Variants in MCUB observed in about 807,000 individuals in gnomAD.
The protein encoded by MCUB is mitochondrial calcium uniporter dominant negative subunit beta.
Under a neutral mutation model 41.4 loss-of-function variants are expected in MCUB, and 46 were observed. That is an observed-to-expected ratio of 1.11 (90% confidence interval 0.88 to 1.42). The LOEUF is 1.42. MCUB is among the 40% of genes most tolerant of loss of function. The probability of loss-of-function intolerance (pLI) is 0.00; values close to 1 mark genes in which losing one functional copy is unlikely to be tolerated. For synonymous variants in MCUB, 148 were observed against 148.2 expected (o/e 1.00, Z 0.01); for missense variants, 403 against 404.9 (o/e 1.00, Z 0.04).
At chr4:109,573,060 C>T (rs1214685760) in intron 1 of MCUB, among the ~76,000 whole-genome samples, 1 of 152,124 alleles carries the variant, frequency 6.6e-6, no homozygotes, top group African/African-American at 2.4e-5. Flanking sequence ...CATTGTAGGT[C>T]CTGTGGAATT....
chr4:109,672,744 A>T (rs1477965783), intron 4 of MCUB, among the ~76,000 whole-genome samples: 1 of 152,222 alleles, frequency 6.6e-6, no homozygotes, highest in Non-Finnish European at 1.5e-5. Context: ...TGTTAAAAAA[A>T]GTCCTCCAGC....
At chr4:109,608,473 G>A (rs575930425) in intron 1 of MCUB, among the ~76,000 whole-genome samples, 151 of 148,690 alleles carry the variant, frequency 1.0e-3, no homozygotes, top group Middle Eastern at 3.4e-3. Flanking sequence ...ATGTCTGGGC[G>A]TTGAAAAGTT....
intron 1 of MCUB, among the ~76,000 whole-genome samples, chr4:109,634,895 C>T (rs1728555050): frequency 6.6e-6 from 1 of 152,130 alleles, no homozygotes; most frequent in Non-Finnish European, 1.5e-5. Flanking sequence ...TGGTGGTTTG[C>T]TGCACCCATC....
At chr4:109,615,943 G>A (rs371826321) in intron 1 of MCUB, among the ~76,000 whole-genome samples, 2 of 152,166 alleles carry the variant, frequency 1.3e-5, no homozygotes. Flanking sequence ...TGAGTGACAG[G>A]TGTCATCACC....
At chr4:109,642,890 T>G (rs1487945797) in intron 1 of MCUB, among the ~76,000 whole-genome samples, 1 of 116,308 alleles carries the variant, frequency 8.6e-6, no homozygotes, top group Non-Finnish European at 1.7e-5. Context: ...TACTCTCAGC[T>G]AGATTTTTTT....
At chr4:109,573,238 G>C (rs1236741819) in intron 1 of MCUB, among the ~76,000 whole-genome samples, 1 of 152,092 alleles carries the variant, frequency 6.6e-6, no homozygotes, top group African/African-American at 2.4e-5. Context: ...AGATCATGTG[G>C]TCAGGAGATA....
chr4:109,612,286 A>G (rs1210913477), intron 1 of MCUB, among the ~76,000 whole-genome samples: 10 of 97,852 alleles, frequency 1.0e-4, no homozygotes, highest in African/African-American at 3.6e-4. Context: ...TTTTTTTGAG[A>G]GCGTCTCACT....
intron 1 of MCUB, among the ~76,000 whole-genome samples, chr4:109,564,566 G>C (rs4698837): frequency 0.63 from 96,347 of 152,062 alleles, 31,736 homozygotes; most frequent in African/African-American, 0.83. Context: ...TTTCATAGAT[G>C]ATTTCTCATC....
chr4:109,604,143 G>A (rs1447759729), intron 1 of MCUB, among the ~76,000 whole-genome samples: 1 of 151,812 alleles, frequency 6.6e-6, no homozygotes, highest in South Asian at 2.1e-4. Flanking sequence ...AATGGATTAA[G>A]GGCGGTGCAA....
At chr4:109,686,302 T>C (rs28380238) in intron 7 of MCUB, among the ~76,000 whole-genome samples, 106,905 of 151,922 alleles carry the variant, frequency 0.7, 38,238 homozygotes, top group African/African-American at 0.83. Flanking sequence ...CCACACCTGG[T>C]TACTTTTTGT....
At chr4:109,681,605 C>T (rs572711152) in intron 4 of MCUB, 8 of 298,380 alleles carry the variant, frequency 2.7e-5, no homozygotes, top group African/African-American at 8.9e-5. Flanking sequence ...TCGTGGGTCA[C>T]GGAAGACAAC....
At chr4:109,638,033 T>C in intron 1 of MCUB, among the ~76,000 whole-genome samples, 1 of 150,976 alleles carries the variant, frequency 6.6e-6, no homozygotes, top group East Asian at 1.9e-4. Flanking sequence ...TTTTGTTTGT[T>C]TTGTTTTGTT....
At chr4:109,615,483 G>A (rs1473359536) in intron 1 of MCUB, among the ~76,000 whole-genome samples, 1 of 149,692 alleles carries the variant, frequency 6.7e-6, no homozygotes, top group Non-Finnish European at 1.5e-5. Context: ...TCGGCTCACT[G>A]CAACCTCCGT....
Position 109,560,305 on chromosome 4 carries a change from C to A in MCUB, c.-33C>A. The A allele has an allele frequency of 1.8e-6, 2 of 1,120,424 alleles. No homozygotes were observed. The highest frequency in any genetic ancestry group is 3.3e-5 in the East Asian group (1 of 30,482). The allele number at this position is 1,120,424 out of a possible 1,614,324, so 69.4% of individuals were successfully genotyped here. ...CGGCTGAGGGAGGATGCGCCGCTGA[C>A]GCCTGCGGGAGCCGCGCGCCTGGGG... On this transcript the variant is annotated 5_prime_UTR_variant, in exon 1 of 8. Coordinates refer to ENST00000394650, the MANE Select transcript of MCUB (RefSeq NM_017918.5).
chr4:109,574,209 T>A (rs1726978512), intron 1 of MCUB, among the ~76,000 whole-genome samples: 1 of 152,164 alleles, frequency 6.6e-6, no homozygotes, highest in African/African-American at 2.4e-5. Flanking sequence ...GCAAGATATT[T>A]GCATTCAAAT....
At chr4:109,582,561 A>AAC (rs1491292576) in intron 1 of MCUB, among the ~76,000 whole-genome samples, 4 of 858 alleles carry the variant, frequency 4.7e-3, no homozygotes, top group East Asian at 0.5. Context: ...ACAGTTTAAC[A>AAC]AAAAAAAAAA....
intron 1 of MCUB, among the ~76,000 whole-genome samples, chr4:109,619,022 A>ACCTG (rs70954173): frequency 0.049 from 6,542 of 134,228 alleles, 214 homozygotes; most frequent in South Asian, 0.079. Context: ...CTACCTATCT[A>ACCTG]CCTGCCTGCC....
intron 1 of MCUB, among the ~76,000 whole-genome samples, chr4:109,579,839 A>G (rs1026663600): frequency 6.6e-6 from 1 of 152,250 alleles, no homozygotes; most frequent in East Asian, 1.9e-4. Flanking sequence ...ATTATATTAG[A>G]GAAGAAATAA....
chr4:109,642,190 T>C (rs931764499), intron 1 of MCUB, among the ~76,000 whole-genome samples: 4 of 152,166 alleles, frequency 2.6e-5, no homozygotes, highest in Admixed American at 6.5e-5. Context: ...CAAGCAAATA[T>C]TATGAACCAA....
Sources: gnomAD v4.1 joint callset for allele counts (sites outside exome capture counted in the v4.1 genomes callset) on GRCh38, gnomAD v4.1.1 for gene constraint, MANE v1.5 for transcripts, NCBI Gene and HGNC (gene_info 2026-07-23, HGNC 2026-07-21) for gene names.